PTPRC: variants seen among roughly 807,000 people sequenced by gnomAD.
PTPRC encodes the protein protein tyrosine phosphatase receptor type C, also known as receptor-type tyrosine-protein phosphatase C.
In PTPRC, 44 loss-of-function variants were observed where a neutral mutation model predicts 155.9. The observed-to-expected ratio is 0.28, with a 90% CI of 0.22 to 0.36. The LOEUF is 0.36. PTPRC is among the 10% of genes least tolerant of loss of function. The probability of loss-of-function intolerance (pLI) is 1.00; values close to 1 mark genes in which losing one functional copy is unlikely to be tolerated. For synonymous variants in PTPRC, 525 were observed against 533.1 expected, an observed-to-expected ratio of 0.98 and a Z score of 0.21; for missense variants, 1,401 against 1,564.6, an observed-to-expected ratio of 0.90 and a Z score of 1.76.
intron 14 of PTPRC, among the ~76,000 whole-genome samples, chr1:198,720,415 C>T (rs557806104): frequency 4.6e-5 from 7 of 152,184 alleles, no homozygotes; most frequent in South Asian, 4.2e-4. Context: ...CTGCAACCTC[C>T]GCCTCCCAGG....
chr1:198,703,639 G>A lies in PTPRC; in HGVS notation c.658+267G>A, dbSNP rs377377424. The stretch of plus-strand genomic sequence containing the variant: ...CATCTACTAGAACTTTTTCTCACAG[G>A]GGTTTAGGTCTTAGTAAGGAAAAGA... On this transcript the variant is annotated intron_variant, in intron 7 of 32. Transcript: ENST00000442510. 5.3e-6 allele frequency: 3 copies of A among 563,570 alleles called. No individual in the cohort carries two copies. The African/African-American group carries it at 5.7e-5, about 11-fold the overall frequency. The allele number at this position is 563,570 out of a possible 1,614,324, so 34.9% of individuals were successfully genotyped here. A position where few individuals can be genotyped will look rare whatever the true frequency, so the allele number is the denominator to read the frequency against.
chr1:198,752,166 G>A (rs1430416614), intron 29 of PTPRC, 83 bp from the exon 30 acceptor site: 1 of 1,455,892 alleles, frequency 6.9e-7, no homozygotes, highest in Non-Finnish European at 9.6e-7. Flanking sequence ...CACAGACAGA[G>A]AAAGAAAGGG....
chr1:198,676,363 C>T (rs973286203), intron 2 of PTPRC, among the ~76,000 whole-genome samples: 2 of 151,910 alleles, frequency 1.3e-5, no homozygotes, highest in African/African-American at 4.8e-5. Flanking sequence ...TTTTTTCATC[C>T]AACTGTGAAA....
At chr1:198,679,833 C>T (rs1012308571) in intron 2 of PTPRC, 2 of 561,008 alleles carry the variant, frequency 3.6e-6, no homozygotes, top group South Asian at 2.3e-5. Flanking sequence ...CGGGAGCGTC[C>T]GGGTCTGTTA....
intron 2 of PTPRC, among the ~76,000 whole-genome samples, chr1:198,658,768 A>C (rs912958700): frequency 6.6e-6 from 1 of 152,114 alleles, no homozygotes; most frequent in African/African-American, 2.4e-5. Context: ...CTGGAAAATT[A>C]TGACAATTTG....
At chr1:198,755,798 A>G (rs1473451226) in intron 32 of PTPRC, 108 bp from the exon 33 acceptor site, 3 of 1,227,122 alleles carry the variant, frequency 2.4e-6, no homozygotes. Flanking sequence ...CTTTTCTGTC[A>G]TCCAATACTT....
Position 198,742,255 on chromosome 1 carries a change from C to T in PTPRC, c.2585C>T (p.Thr862Ile). ...AGTGCTGGTGTTGGGCGCACAGGAACCTATATCGGAATTGATGCCATGCTA... is the reference window on the plus strand; with the variant it reads ...AGTGCTGGTGTTGGGCGCACAGGAATCTATATCGGAATTGATGCCATGCTA... ...HCSAGVGRTGTYIGIDAMLEG... is the reference protein window; with the variant it reads ...HCSAGVGRTGIYIGIDAMLEG... The change falls in exon 25 of 33, where the codon ACC becomes ATC. Residue 862 changes from threonine (T) to isoleucine (I), a missense_variant. Thr to Ile is a moderately conservative substitution (Grantham distance 89, BLOSUM62 -1). Coordinates refer to ENST00000442510, the MANE Select transcript of PTPRC (RefSeq NM_002838.5). The T allele has an allele frequency of 6.2e-7, 1 of 1,612,170 alleles. No homozygotes were observed. The highest frequency in any genetic ancestry group is 8.5e-7 in the Non-Finnish European group (1 of 1,178,842).
intron 23 of PTPRC, among the ~76,000 whole-genome samples, chr1:198,736,887 T>C (rs1229078826): frequency 2.0e-5 from 3 of 151,740 alleles, no homozygotes; most frequent in African/African-American, 7.2e-5. Context: ...TTGTTATAAC[T>C]GGAGCATAGT....
intron 2 of PTPRC, among the ~76,000 whole-genome samples, chr1:198,686,077 G>T (rs1665608680): frequency 6.6e-6 from 1 of 151,972 alleles, no homozygotes; most frequent in Non-Finnish European, 1.5e-5. Flanking sequence ...GGACTTAGGG[G>T]TGTGACTTCA....
intron 2 of PTPRC, among the ~76,000 whole-genome samples, chr1:198,687,266 G>A (rs1049670619): frequency 2.0e-5 from 3 of 152,108 alleles, no homozygotes; most frequent in Non-Finnish European, 2.9e-5. Context: ...GATTACAGGT[G>A]TGAACCATTG....
At chr1:198,664,111 A>G (rs1165229634) in intron 2 of PTPRC, among the ~76,000 whole-genome samples, 2 of 152,160 alleles carry the variant, frequency 1.3e-5, no homozygotes, top group Non-Finnish European at 2.9e-5. Context: ...TAATTTTTAT[A>G]TATCAAATAA....
intron 2 of PTPRC, among the ~76,000 whole-genome samples, chr1:198,667,477 G>A (rs1245802244): frequency 6.6e-6 from 1 of 152,132 alleles, no homozygotes; most frequent in East Asian, 1.9e-4. Flanking sequence ...TCCTCAGATG[G>A]GAATAAAGAA....
intron 2 of PTPRC, among the ~76,000 whole-genome samples, chr1:198,643,717 T>C (rs1662774155): frequency 6.6e-6 from 1 of 151,950 alleles, no homozygotes; most frequent in Non-Finnish European, 1.5e-5. Flanking sequence ...GTCAATTTTA[T>C]TTTTCAGATA....
At chr1:198,696,187 G>T (rs867012114) in intron 3 of PTPRC, among the ~76,000 whole-genome samples, 43 of 144,264 alleles carry the variant, frequency 3.0e-4, no homozygotes, top group Middle Eastern at 3.6e-3. Flanking sequence ...TATATATATA[G>T]ATAGATATTT....
chr1:198,724,361 T>A (rs1174323790), intron 15 of PTPRC, among the ~76,000 whole-genome samples: 1 of 152,198 alleles, frequency 6.6e-6, no homozygotes, highest in Non-Finnish European at 1.5e-5. Context: ...TCAATTGAAC[T>A]CCTGGGGACC....
At chr1:198,720,075 T>C (rs747211924) in intron 14 of PTPRC, among the ~76,000 whole-genome samples, 2 of 152,160 alleles carry the variant, frequency 1.3e-5, no homozygotes, top group Non-Finnish European at 2.9e-5. Context: ...TGCAAAACCA[T>C]TGTCACATTC....
chr1:198,666,487 T>G (rs1664314847), intron 2 of PTPRC, among the ~76,000 whole-genome samples: 1 of 152,160 alleles, frequency 6.6e-6, no homozygotes, highest in Non-Finnish European at 1.5e-5. Context: ...AATAAAAGCA[T>G]TTGCTAACCA....
intron 15 of PTPRC, among the ~76,000 whole-genome samples, chr1:198,724,137 GC>G (rs573636224): frequency 9.3e-4 from 141 of 152,254 alleles, no homozygotes; most frequent in African/African-American, 3.3e-3. Flanking sequence ...CAAAAAATTA[GC>G]CCTCATCTTT....
At chr1:198,711,456 C>G (rs1240043035) in intron 11 of PTPRC, among the ~76,000 whole-genome samples, 1 of 152,052 alleles carries the variant, frequency 6.6e-6, no homozygotes, top group Non-Finnish European at 1.5e-5. Flanking sequence ...AACATCAGCT[C>G]TCACCTCTCA....
Sources: gnomAD v4.1 joint callset for allele counts (sites outside exome capture counted in the v4.1 genomes callset) on GRCh38, gnomAD v4.1.1 for gene constraint, MANE v1.5 for transcripts, NCBI Gene and HGNC (gene_info 2026-07-23, HGNC 2026-07-21) for gene names.